The following PDE11A variants were observed in gnomAD, a reference collection of about 807,000 sequenced individuals.
PDE11A encodes the protein phosphodiesterase 11A, also known as dual 3',5'-cyclic-AMP and -GMP phosphodiesterase 11A.
In PDE11A, 100 loss-of-function variants were observed where a neutral mutation model predicts 100.5. That is an observed-to-expected ratio of 1.00 (90% CI 0.85 to 1.18). The LOEUF is 1.18. Among genes scored for constraint, PDE11A ranks in the 50% most tolerant of loss-of-function variants. The pLI is 0.00. For synonymous variants in PDE11A, 381 were observed against 420.8 expected (o/e 0.91, Z 1.16); for missense variants, 1,141 against 1,152.6 (o/e 0.99, Z 0.15).
intron 19 of PDE11A, among the ~76,000 whole-genome samples, chr2:177,660,689 C>T (rs940255565): frequency 6.6e-6 from 1 of 152,198 alleles, no homozygotes; most frequent in African/African-American, 2.4e-5. Context: ...GCCAATTAGG[C>T]ACATAAATAA....
At chr2:177,896,258 C>A (rs1406587009) in intron 4 of PDE11A, among the ~76,000 whole-genome samples, 1 of 152,194 alleles carries the variant, frequency 6.6e-6, no homozygotes, top group Non-Finnish European at 1.5e-5. Flanking sequence ...TCTACTGCTC[C>A]CTCCAGCTCT....
At chr2:177,906,005 G>C (rs543596099) in intron 2 of PDE11A, among the ~76,000 whole-genome samples, 10 of 152,156 alleles carry the variant, frequency 6.6e-5, no homozygotes, top group Non-Finnish European at 1.3e-4. Flanking sequence ...CAGAATCTCT[G>C]ATTCCAGAGA....
At chr2:177,889,364 A>G (rs1196293736) in intron 4 of PDE11A, among the ~76,000 whole-genome samples, 1 of 152,192 alleles carries the variant, frequency 6.6e-6, no homozygotes, top group Non-Finnish European at 1.5e-5. Context: ...TATTAACACC[A>G]AATGTGTTTC....
At chr2:178,049,878 G>A (rs1412501953) in intron 1 of PDE11A, among the ~76,000 whole-genome samples, 5 of 152,146 alleles carry the variant, frequency 3.3e-5, no homozygotes, top group Admixed American at 1.3e-4. Context: ...AGAGCCCACC[G>A]CAGCTCAAGG....
chr2:177,925,375 A>T (rs1159773597), intron 2 of PDE11A, among the ~76,000 whole-genome samples: 1 of 151,422 alleles, frequency 6.6e-6, no homozygotes, highest in Non-Finnish European at 1.5e-5. Context: ...ATTTCTCCAC[A>T]TCCTCTCCAG....
chr2:178,106,281 C>A (rs1244415644), intron 1 of PDE11A, among the ~76,000 whole-genome samples: 3 of 152,180 alleles, frequency 2.0e-5, no homozygotes, highest in African/African-American at 7.2e-5. Flanking sequence ...TATGTGGAAA[C>A]CCATAACAGT....
At chr2:177,944,851 C>T (rs536805271) in intron 2 of PDE11A, among the ~76,000 whole-genome samples, 2 of 147,178 alleles carry the variant, frequency 1.4e-5, no homozygotes, top group African/African-American at 4.9e-5. Context: ...TCTCCCTCTC[C>T]CTCTCCCCAC....
intron 2 of PDE11A, among the ~76,000 whole-genome samples, chr2:177,945,262 T>G (rs1156630868): frequency 1.7e-4 from 21 of 125,120 alleles, no homozygotes; most frequent in East Asian, 7.5e-4. Flanking sequence ...AAGTGAGGAG[T>G]GTCTCTGCCT....
chr2:177,866,701 T>C (rs965266944), intron 5 of PDE11A, among the ~76,000 whole-genome samples: 10 of 152,244 alleles, frequency 6.6e-5, no homozygotes, highest in African/African-American at 2.4e-4. Context: ...TCGCTTGTAC[T>C]AAACAGATGT....
chr2:178,018,040 C>G (rs2086360547), intron 1 of PDE11A: 1 of 159,552 alleles, frequency 6.3e-6, no homozygotes, highest in Non-Finnish European at 1.4e-5. Flanking sequence ...CCCAAGGAAG[C>G]TGATCTCTGT....
intron 2 of PDE11A, among the ~76,000 whole-genome samples, chr2:177,925,214 C>G (rs1405855302): frequency 0.053 from 7,584 of 142,766 alleles, 256 homozygotes; most frequent in African/African-American, 0.068. Context: ...CTTTATAGCA[C>G]CATGATTTAT....
intron 2 of PDE11A, among the ~76,000 whole-genome samples, chr2:177,921,386 C>A (rs2085042706): frequency 6.6e-6 from 1 of 151,182 alleles, no homozygotes; most frequent in Admixed American, 6.6e-5. Context: ...AGACACATTT[C>A]CTATTTGCAC....
At chr2:177,787,033 G>C (rs2082547406) in intron 9 of PDE11A, among the ~76,000 whole-genome samples, 1 of 143,780 alleles carries the variant, frequency 7.0e-6, no homozygotes, top group South Asian at 2.3e-4. Context: ...AGGAAATACA[G>C]AGAACGCCAC....
intron 5 of PDE11A, among the ~76,000 whole-genome samples, chr2:177,872,086 C>T (rs2084146225): frequency 6.6e-6 from 1 of 152,114 alleles, no homozygotes; most frequent in South Asian, 2.1e-4. Context: ...GTTCATTGCC[C>T]TTGAGATCCT....
Position 177,624,088 on chromosome 2 carries a change from G to A in PDE11A, c.*5319C>T, listed in dbSNP as rs1279149392. The stretch of plus-strand genomic sequence containing the variant: ...GTCAGACTTAACCTTTACATTTCCT[G>A]ATACATTTGAGTTTTGGGAGTTCTT... On this transcript the variant is annotated 3_prime_UTR_variant, in exon 20 of 20. Transcript: ENST00000286063. The A allele has an allele frequency of 6.6e-6, 1 of 152,134 alleles. No individual in the cohort carries two copies. The highest frequency in any genetic ancestry group is 1.9e-4 in the East Asian group (1 of 5,204). 9.4% of individuals were successfully genotyped at this position (152,134 alleles called of 1,614,324 possible).
In PDE11A at chr2:178,041,395, C is replaced by T. The variant is rs574127343; in HGVS notation, c.913-26935G>A. Among the ~76,000 whole-genome samples the T allele has an allele frequency of 9.2e-5, 14 of 151,964 alleles. No individual in the cohort carries two copies. The South Asian group carries it at 2.9e-3, about 32-fold the overall frequency. Reference sequence around the variant, plus strand: ...AGTAGCTGGGACTACAGGCATGCACCACCACGCCCGGCTAATTTTTGTATT... The same window carrying T: ...AGTAGCTGGGACTACAGGCATGCACTACCACGCCCGGCTAATTTTTGTATT... On this transcript the variant is annotated intron_variant, in intron 1 of 19. Transcript: ENST00000286063.
chr2:177,948,551 T>C (rs1326492919), intron 2 of PDE11A, among the ~76,000 whole-genome samples: 1 of 152,240 alleles, frequency 6.6e-6, no homozygotes, highest in African/African-American at 2.4e-5. Context: ...TATATGTTAA[T>C]CAACTAAATT....
chr2:177,788,423 A>C (rs1329127411), intron 9 of PDE11A, among the ~76,000 whole-genome samples: 1 of 151,452 alleles, frequency 6.6e-6, no homozygotes, highest in African/African-American at 2.4e-5. Context: ...CTAAATGCCT[A>C]CAAGAGAAAG....
chr2:177,833,856 G>T (rs2083348188), intron 6 of PDE11A, among the ~76,000 whole-genome samples: 2 of 152,306 alleles, frequency 1.3e-5, no homozygotes, highest in African/African-American at 2.4e-5. Context: ...TTTCCAACCT[G>T]CCCCACAAGT....
Sources: gnomAD v4.1 joint callset for allele counts (sites outside exome capture counted in the v4.1 genomes callset) on GRCh38, gnomAD v4.1.1 for gene constraint, MANE v1.5 for transcripts, NCBI Gene and HGNC (gene_info 2026-07-23, HGNC 2026-07-21) for gene names.